CHRNG: variants seen among roughly 807,000 people sequenced by gnomAD.
The protein encoded by CHRNG is acetylcholine receptor subunit gamma.
Under a neutral mutation model 65.2 loss-of-function variants are expected in CHRNG, and 72 were observed. That is an observed-to-expected ratio of 1.10 (90% CI 0.91 to 1.34). The LOEUF (loss-of-function observed/expected upper bound fraction) is 1.34. Ranked by LOEUF, CHRNG falls within the 40% of genes most tolerant of loss-of-function variation. The pLI is 0.00. For synonymous variants in CHRNG, 284 were observed against 290.2 expected, an observed-to-expected ratio of 0.98 and a Z score of 0.22; for missense variants, 637 against 680.1, an observed-to-expected ratio of 0.94 and a Z score of 0.70.
intron 9 of CHRNG, 39 bp downstream of exon 9, chr2:232,543,738 C>A: frequency 1.6e-6 from 2 of 1,235,022 alleles, no homozygotes; most frequent in South Asian, 1.2e-5. Flanking sequence ...TCCCGCTGCC[C>A]ACTCCCCTAC....
chr2:232,544,610 G>T (rs772698702), intron 10 of CHRNG, 30 bp downstream of exon 10: 8 of 1,590,876 alleles, frequency 5.0e-6, no homozygotes, highest in Non-Finnish European at 6.9e-6. Flanking sequence ...CCTGGGGACA[G>T]TCCTCCCCTG....
Position 232,541,302 on chromosome 2 carries a change from G to A in CHRNG, c.351-72G>A, listed in dbSNP as rs1311422302. The A allele has an allele frequency of 2.5e-6, 4 of 1,593,286 alleles. No individual in the cohort carries two copies. In the South Asian group the frequency reaches 4.4e-5, roughly 18 times the overall value. ...AGGCCCCTATCCACATGGGGCACAG[G>A]GGCTGGTCTGGGGCTGGGGTGTCGG... On this transcript the variant is annotated intron_variant, in intron 4 of 11. Coordinates refer to ENST00000651502, the MANE Select transcript of CHRNG (RefSeq NM_005199.5). The surrounding 1 kb of genome is among the most constrained non-coding windows in gnomAD (Gnocchi z 4.0).
At chr2:232,544,686 G>C (rs916640183) in intron 10 of CHRNG, 86 bp from the exon 11 acceptor site, 43 of 1,571,068 alleles carry the variant, frequency 2.7e-5, no homozygotes, top group Non-Finnish European at 3.7e-5. Context: ...CAGGGAGAGA[G>C]GAGCTGGGGT....
In CHRNG at chr2:232,540,986, G is replaced by A. The variant is rs535784624; in HGVS notation, c.350+275G>A. ...GCTCCCTTCCCTGTAACATGGGGCC[G>A]CTGACGGGTCCTATAGAAGCTGGCG... On this transcript the variant is annotated intron_variant, in intron 4 of 11. Coordinates refer to ENST00000651502, the MANE Select transcript of CHRNG (RefSeq NM_005199.5). The surrounding 1 kb of genome is among the most constrained non-coding windows in gnomAD (Gnocchi z 4.2). Among the ~76,000 whole-genome samples the A allele has an allele frequency of 2.0e-5, 3 of 152,186 alleles. No individual in the cohort carries two copies. Among genetic ancestry groups the A allele is most frequent in the African/African-American group, 4.8e-5 (2 of 41,500 alleles).
intron 7 of CHRNG, 71 bp downstream of exon 7, chr2:232,543,153 C>A: frequency 6.5e-7 from 1 of 1,549,888 alleles, no homozygotes; most frequent in South Asian, 1.1e-5. Flanking sequence ...GTGGGCCCTG[C>A]CTGGGGAACA....
At position 232,546,226 on chromosome 2, in the gene CHRNG, C is replaced by A. The variant is rs2853459; in HGVS notation, c.*510C>A. On this transcript the variant is annotated 3_prime_UTR_variant, in exon 12 of 12. Coordinates refer to ENST00000651502, the MANE Select transcript of CHRNG (RefSeq NM_005199.5). ...TTCTGGGTACAATAAGCACCCAATT[C>A]TCAACAGCCCCAGTGGCCTTTCCAT... 1.2e-5 allele frequency: 2 copies of A among 172,994 alleles called. No individual in the cohort carries two copies. The highest frequency in any genetic ancestry group is 2.7e-4 in the South Asian group (2 of 7,330). 10.7% of individuals were successfully genotyped at this position (172,994 alleles called of 1,614,324 possible).
chr2:232,539,984 T>A lies in CHRNG; in HGVS notation c.56-8T>A, dbSNP rs766109128. On this transcript the variant is annotated splice_region_variant and splice_polypyrimidine_tract_variant and intron_variant, in intron 1 of 11. Coordinates refer to ENST00000651502, the MANE Select transcript of CHRNG (RefSeq NM_005199.5). ...AGCTCCTGCTAGGCTCACGCCTGTCTATTGCAGGGGCCCAGGGCCGGAACC... is the reference window on the plus strand; with the variant it reads ...AGCTCCTGCTAGGCTCACGCCTGTCAATTGCAGGGGCCCAGGGCCGGAACC... 1 of 1,614,094 alleles carries A rather than the reference T, an allele frequency of 6.2e-7. No homozygotes were observed. Among genetic ancestry groups the A allele is most frequent in the Non-Finnish European group, 8.5e-7 (1 of 1,179,990 alleles).
rs565184346 is a variant in CHRNG, at chr2:232,541,848, GA to G, written c.506+322del. On this transcript the variant is annotated intron_variant, in intron 5 of 11. Transcript: ENST00000651502. The surrounding 1 kb of genome is among the most constrained non-coding windows in gnomAD (Gnocchi z 4.0). ...ACAAGATGCGTGTCTGCGCACACAC[GA>G]AACCACTGCACACTCCAGGCCCACA... is the stretch of plus-strand genomic sequence containing the variant. 1.1e-3 allele frequency: 503 copies of G among 451,282 alleles called. 3 individuals carry two copies. The highest frequency in any genetic ancestry group is 4.6e-4 in the Non-Finnish European group (111 of 242,600). 28.0% of individuals were successfully genotyped at this position (451,282 alleles called of 1,614,324 possible).
chr2:232,545,267 G>A (rs1341173127), intron 11 of CHRNG, among the ~76,000 whole-genome samples: 3 of 150,220 alleles, frequency 2.0e-5, no homozygotes, highest in South Asian at 2.1e-4. Context: ...AGCCAAGATC[G>A]CACCACTGCA....
chr2:232,542,521 G>C lies in CHRNG; in HGVS notation c.604+1G>C. The C allele has an allele frequency of 6.2e-6, 10 of 1,608,596 alleles. No individual in the cohort carries two copies. The highest frequency in any genetic ancestry group is 7.7e-6 in the Non-Finnish European group (9 of 1,175,212). ...TTCATTGACCCTGAGGCCTTCACAG[G>C]TAACCCCCACCCAAGGGCTCCCCAG... On this transcript the variant is annotated splice_donor_variant, in intron 6 of 11. Coordinates refer to ENST00000651502, the MANE Select transcript of CHRNG (RefSeq NM_005199.5). LOFTEE classifies it high-confidence loss of function.
Position 232,540,399 on chromosome 2 carries a change from C to G in CHRNG, c.214C>G (p.Leu72Val), listed in dbSNP as rs1209422666. The change falls in exon 3 of 12, where the codon CTC (leucine) becomes GTC (valine). Residue 72 changes from leucine (L) to valine (V), a missense_variant. Leu to Val is a conservative substitution (Grantham distance 32, BLOSUM62 1). Transcript: ENST00000651502. This position sits in a 1 kb window ranked among gnomAD's most constrained non-coding sequence, Gnocchi z 4.2. ...LISLNEREEA[L>V]TTNVWIEMQW... The stretch of plus-strand genomic sequence containing the variant: ...CCCCCAGAACGAGCGAGAGGAAGCC[C>G]TCACCACCAATGTCTGGATAGAGAT... 1 of 1,614,068 alleles carries G rather than the reference C, an allele frequency of 6.2e-7. No individual in the cohort carries two copies. The highest frequency in any genetic ancestry group is 8.5e-7 in the Non-Finnish European group (1 of 1,179,978).
Position 232,546,308 on chromosome 2 carries a change from C to CTTTTTTTTTTTTTTT in CHRNG, c.*598_*612dup, listed in dbSNP as rs57021172. The CTTTTTTTTTTTTTTT allele has an allele frequency of 1.1e-5, 1 of 94,708 alleles. No individual in the cohort carries two copies. The highest frequency in any genetic ancestry group is 3.8e-5 in the African/African-American group (1 of 26,116). 5.9% of individuals were successfully genotyped at this position (94,708 alleles called of 1,614,324 possible). A position where few individuals can be genotyped will look rare whatever the true frequency, so the allele number is the denominator to read the frequency against. ...ACGATTTCCTGAGTTTTGTAATCCT[C>CTTTTTTTTTTTTTTT]TTTTTTTTTTTTTTTTTTTTAGTTT... On this transcript the variant is annotated 3_prime_UTR_variant, in exon 12 of 12. Transcript: ENST00000651502.
rs1001023095 is a variant in CHRNG at position 232,541,084 on chromosome 2, C to T, written c.351-290C>T. ...CATGGTGTGGGCTTAACACATTAGT[C>T]GCTATTATGACTATTATTATTATTA... On this transcript the variant is annotated intron_variant, in intron 4 of 11. Transcript: ENST00000651502. The surrounding 1 kb of genome is among the most constrained non-coding windows in gnomAD (Gnocchi z 4.0). Among the ~76,000 whole-genome samples the T allele has an allele frequency of 6.7e-6, 1 of 149,466 alleles. No individual in the cohort carries two copies. The highest frequency in any genetic ancestry group is 2.4e-5 in the African/African-American group (1 of 40,906).
chr2:232,545,668 C>T lies in CHRNG; in HGVS notation c.1506C>T (p.Ala502=), dbSNP rs759265096. The T allele has an allele frequency of 6.2e-7, 1 of 1,614,184 alleles. No individual in the cohort carries two copies. The change falls in exon 12 of 12, where the codon GCC becomes GCT. Residue 502 remains alanine (A), a synonymous_variant. Transcript: ENST00000651502. ...TGGCCCACTACAACCGGGTGCCGGC[C>T]CTGCCATTCCCTGGAGATCCACGCC... The part of the protein sequence containing the change: ...FLMAHYNRVP[A]LPFPGDPRPY...
In CHRNG at chr2:232,544,561, G is replaced by A. The variant is rs144948513; in HGVS notation, c.1230G>A (p.Ala410=). 4.6e-5 allele frequency: 75 copies of A among 1,613,254 alleles called. No individual in the cohort carries two copies. In the East Asian group the frequency reaches 7.4e-4, roughly 16 times the overall value. ...AGTGGCAGCGGCAAGGGCTGGTGGCGGCAGCGCTGGAGAAGCTAGGTGAGA... is the reference window on the plus strand; with the variant it reads ...AGTGGCAGCGGCAAGGGCTGGTGGCAGCAGCGCTGGAGAAGCTAGGTGAGA... The part of the protein sequence containing the change: ...FQQWQRQGLV[A]AALEKLEKGP... The change falls in exon 10 of 12, where the codon GCG becomes GCA. Residue 410 remains alanine, a synonymous_variant. Coordinates refer to ENST00000651502, the MANE Select transcript of CHRNG (RefSeq NM_005199.5).
chr2:232,545,344 A>C (rs1692105775), intron 11 of CHRNG, among the ~76,000 whole-genome samples, 199 bp from the exon 12 acceptor site: 1 of 145,972 alleles, frequency 6.9e-6, no homozygotes. Context: ...GAAAGAAAGA[A>C]AGAAAAAGGA....
At position 232,543,488 on chromosome 2, in the gene CHRNG, C is replaced by CCCCA. The variant is rs879654621; in HGVS notation, c.921-97_921-96insCCCA. On this transcript the variant is annotated intron_variant, in intron 8 of 11. Transcript: ENST00000651502. ...CCTCTTGCCCTCCATCCACCCCCCC[C>CCCCA]ATCCTCAATTCAGGAGGCCTGAGGG... 5 of 1,179,576 alleles carry CCCCA rather than the reference C, an allele frequency of 4.2e-6. No homozygotes were observed. In the African/African-American group the frequency reaches 8.7e-5, roughly 20 times the overall value. The allele number at this position is 1,179,576 out of a possible 1,614,324, so 73.1% of individuals were successfully genotyped here. A position where few individuals can be genotyped will look rare whatever the true frequency, so the allele number is the denominator to read the frequency against.
chr2:232,543,658 C>A lies in CHRNG; in HGVS notation c.994C>A (p.Arg332=). ...TGTGGTTGTGCTCAATGTCTCCTTG[C>A]GGTCTCCACACACACACTCCATGGC... The part of the protein sequence containing the change: ...NAVVVLNVSL[R]SPHTHSMARG... The change falls in exon 9 of 12, where the codon CGG becomes AGG. Residue 332 remains arginine, a synonymous_variant. Transcript: ENST00000651502. 1.2e-6 allele frequency: 2 copies of A among 1,613,564 alleles called. No individual in the cohort carries two copies. The highest frequency in any genetic ancestry group is 1.7e-6 in the Non-Finnish European group (2 of 1,179,562).
intron 1 of CHRNG, 93 bp from the exon 2 acceptor site, chr2:232,539,899 A>T: frequency 6.2e-7 from 1 of 1,608,300 alleles, no homozygotes; most frequent in Non-Finnish European, 8.5e-7. Flanking sequence ...CCTGCCCTGG[A>T]CCCAGTTCCC....
Sources: gnomAD v4.1 joint callset for allele counts (sites outside exome capture counted in the v4.1 genomes callset) on GRCh38, gnomAD v4.1.1 for gene constraint, Gnocchi (gnomAD v3.1) non-coding constraint, MANE v1.5 for transcripts, NCBI Gene and HGNC (gene_info 2026-07-23, HGNC 2026-07-21) for gene names.